ITSN1: variants seen among roughly 807,000 people sequenced by gnomAD.
ITSN1 encodes the protein intersectin-1.
A neutral mutation model predicts 239.8 loss-of-function variants in ITSN1; 58 were observed. That is an observed-to-expected ratio of 0.24 (90% confidence interval 0.20 to 0.30). The LOEUF is 0.30. Among genes scored for constraint, ITSN1 ranks in the 10% least tolerant of loss-of-function variants. The pLI is 1.00. For missense variants in ITSN1, 1,558 were observed against 2,103.3 expected, an observed-to-expected ratio of 0.74 and a Z score of 5.07; for synonymous variants, 780 against 770.8, an observed-to-expected ratio of 1.01 and a Z score of -0.20.
rs1390320549 is a variant in ITSN1, at chr21:33,897,242, T to C, written c.*8942T>C. On this transcript the variant is annotated 3_prime_UTR_variant, in exon 40 of 40. Coordinates refer to ENST00000381318, the MANE Select transcript of ITSN1 (RefSeq NM_003024.3). Reference sequence around the variant, plus strand: ...TTTGAACTGTGAAATCAACCTCAGATCTCATCTGCTGTAGCCCCGCAAGCC... The same window carrying C: ...TTTGAACTGTGAAATCAACCTCAGACCTCATCTGCTGTAGCCCCGCAAGCC... 1 of 152,328 alleles carries C rather than the reference T, an allele frequency of 6.6e-6. No individual in the cohort carries two copies. Among genetic ancestry groups the C allele is most frequent in the East Asian group, 1.9e-4 (1 of 5,202 alleles). 9.4% of individuals were successfully genotyped at this position (152,328 alleles called of 1,614,324 possible). A position where few individuals can be genotyped will look rare whatever the true frequency, so the allele number is the denominator to read the frequency against.
At chr21:33,771,523 T>A (rs1035080543) in intron 11 of ITSN1, among the ~76,000 whole-genome samples, 2 of 152,156 alleles carry the variant, frequency 1.3e-5, no homozygotes, top group South Asian at 4.1e-4. Context: ...AATTTATAAT[T>A]GATGTGTTAA....
At chr21:33,755,237 A>T (rs2067827501) in intron 7 of ITSN1, 60 bp from the exon 8 acceptor site, 2 of 907,258 alleles carry the variant, frequency 2.2e-6, no homozygotes, top group Middle Eastern at 2.2e-4. Flanking sequence ...TCATTAAGGA[A>T]CTTTACCAGG....
At chr21:33,685,822 T>C (rs1397656050) in intron 1 of ITSN1, among the ~76,000 whole-genome samples, 2 of 152,184 alleles carry the variant, frequency 1.3e-5, no homozygotes, top group Non-Finnish European at 2.9e-5. Context: ...TGTGGGAAAT[T>C]GAGTTTTCAC....
intron 4 of ITSN1, among the ~76,000 whole-genome samples, chr21:33,733,536 A>G (rs1350139488): frequency 6.6e-6 from 1 of 152,222 alleles, no homozygotes; most frequent in Non-Finnish European, 1.5e-5. Context: ...AAATCAACAA[A>G]TAATGAATTT....
intron 1 of ITSN1, among the ~76,000 whole-genome samples, chr21:33,661,823 G>A (rs1277430655): frequency 1.3e-5 from 2 of 151,936 alleles, no homozygotes; most frequent in Non-Finnish European, 2.9e-5. Context: ...ACCGCCATGT[G>A]AGACATACCT....
At chr21:33,672,260 T>C (rs78304693) in intron 1 of ITSN1, among the ~76,000 whole-genome samples, 6,364 of 152,194 alleles carry the variant, frequency 0.042, 452 homozygotes, top group African/African-American at 0.15. Flanking sequence ...CTTAATTTTA[T>C]CTAATTCACG....
chr21:33,811,214 C>T lies in ITSN1; in HGVS notation c.2559C>T (p.Phe853=). Residue 853 remains phenylalanine (F), a synonymous_variant, in exon 21 of 40, where the codon TTC becomes TTT. Transcript: ENST00000381318. ...CGACCCCTAATAACTGGGCCGACTT[C>T]AGCTCCACGTACGTGTTGGTGGGCT... The part of the protein sequence containing the change: ...PSTTPNNWAD[F]SSTWPTSTNE... The T allele has an allele frequency of 6.3e-7, 1 of 1,590,824 alleles. No individual in the cohort carries two copies. Among genetic ancestry groups the T allele is most frequent in the Non-Finnish European group, 8.6e-7 (1 of 1,167,292 alleles).
chr21:33,653,382 C>T (rs1309728640), intron 1 of ITSN1, among the ~76,000 whole-genome samples: 1 of 152,112 alleles, frequency 6.6e-6, no homozygotes, highest in Non-Finnish European at 1.5e-5. Flanking sequence ...AGGTGAGTAG[C>T]CTTGAACCAA....
At chr21:33,758,271 T>C (rs2068060286) in intron 8 of ITSN1, among the ~76,000 whole-genome samples, 1 of 152,154 alleles carries the variant, frequency 6.6e-6, no homozygotes, top group African/African-American at 2.4e-5. Context: ...TACAGGCATG[T>C]GCCACCATGC....
At chr21:33,702,117 T>TAAAG (rs1280594061) in intron 1 of ITSN1, among the ~76,000 whole-genome samples, 1 of 148,438 alleles carries the variant, frequency 6.7e-6, no homozygotes, top group African/African-American at 2.5e-5. Context: ...TTTTTTTTTT[T>TAAAG]TTTTTTTTTT....
Position 33,767,765 on chromosome 21 carries a change from C to A in ITSN1, c.979C>A (p.Gln327Lys). 6 of 1,613,168 alleles carry A rather than the reference C, an allele frequency of 3.7e-6. No homozygotes were observed. Among genetic ancestry groups the A allele is most frequent in the South Asian group, 1.1e-5 (1 of 90,956 alleles). Reference sequence around the variant, plus strand: ...TGTCATAAGCTCAACATCTGTAGATCAGAGGCTACCAGAGGAACCAGTTTT... The same window carrying A: ...TGTCATAAGCTCAACATCTGTAGATAAGAGGCTACCAGAGGAACCAGTTTT... Reference protein sequence around the residue: ...ISVISSTSVDQRLPEEPVLED... With the variant: ...ISVISSTSVDKRLPEEPVLED... Residue 327 changes from glutamine (Q) to lysine (K), a missense_variant, in exon 11 of 40, where the codon CAG becomes AAG. This residue lies in a region of ITSN1 where 982 missense variants were observed against 1,209.9 expected (regional missense o/e 0.81). Transcript: ENST00000381318.
In ITSN1 at chr21:33,899,590, G is replaced by T. The variant is rs1986983044; in HGVS notation, c.*11290G>T. On this transcript the variant is annotated 3_prime_UTR_variant, in exon 40 of 40. Transcript: ENST00000381318. ...AAACATTGTTTCTTCTTTTTTGTTT[G>T]AAAGAAGCTGAGGTTTGTTTTTGCT... 6.6e-6 allele frequency: 1 copy of T among 152,108 alleles called. No individual in the cohort carries two copies. Among genetic ancestry groups the T allele is most frequent in the African/African-American group, 2.4e-5 (1 of 41,422 alleles). The allele number at this position is 152,108 out of a possible 1,614,324, so 9.4% of individuals were successfully genotyped here. A position where few individuals can be genotyped will look rare whatever the true frequency, so the allele number is the denominator to read the frequency against.
At chr21:33,793,644 G>A (rs1398444212) in intron 16 of ITSN1, among the ~76,000 whole-genome samples, 1 of 152,194 alleles carries the variant, frequency 6.6e-6, no homozygotes, top group Non-Finnish European at 1.5e-5. Flanking sequence ...TATTCCTGCA[G>A]CTAGTAGTAT....
intron 16 of ITSN1, among the ~76,000 whole-genome samples, chr21:33,787,681 G>T (rs1452833446): frequency 2.6e-5 from 4 of 152,130 alleles, no homozygotes; most frequent in African/African-American, 4.8e-5. Context: ...GCAGAACAGA[G>T]TAAGAAGTCA....
intron 1 of ITSN1, among the ~76,000 whole-genome samples, chr21:33,649,758 T>C (rs964046461): frequency 1.3e-5 from 2 of 152,266 alleles, no homozygotes; most frequent in African/African-American, 4.8e-5. Context: ...GGCTCACACC[T>C]GTAATCCCAG....
At chr21:33,672,141 G>A (rs2090325321) in intron 1 of ITSN1, among the ~76,000 whole-genome samples, 2 of 152,064 alleles carry the variant, frequency 1.3e-5, no homozygotes, top group South Asian at 4.1e-4. Context: ...TACTCGGGAG[G>A]CTGAGGCAGG....
Position 33,855,451 on chromosome 21 carries a change from G to A in ITSN1, c.3662-1285G>A, listed in dbSNP as rs142527454. On this transcript the variant is annotated intron_variant, in intron 29 of 39. Coordinates refer to ENST00000381318, the MANE Select transcript of ITSN1 (RefSeq NM_003024.3). ...AGAACAAGTAAAGGGGATTCAGCCC[G>A]GACTCTCCCACCTACATTCGGGACA... 7.3e-3 allele frequency among the ~76,000 whole-genome samples: 1,105 copies of A among 152,342 alleles called. 11 individuals are homozygous for A. The highest frequency in any genetic ancestry group is 0.01 in the Non-Finnish European group (702 of 68,030).
Position 33,888,461 on chromosome 21 carries a change from C to A in ITSN1, c.*161C>A. The stretch of plus-strand genomic sequence containing the variant: ...CAAAGCTCCTAGGAATCATTCTCGA[C>A]AATCCTCCCTGCCCCGAAACAATTT... On this transcript the variant is annotated 3_prime_UTR_variant, in exon 40 of 40. Coordinates refer to ENST00000381318, the MANE Select transcript of ITSN1 (RefSeq NM_003024.3). The A allele has an allele frequency of 1.5e-6, 1 of 678,980 alleles. No individual in the cohort carries two copies. The allele number at this position is 678,980 out of a possible 1,614,324, so 42.1% of individuals were successfully genotyped here.
At chr21:33,791,109 G>A (rs2147985855) in intron 16 of ITSN1, among the ~76,000 whole-genome samples, 1 of 152,244 alleles carries the variant, frequency 6.6e-6, no homozygotes, top group Non-Finnish European at 1.5e-5. Flanking sequence ...TTTTTAAAAA[G>A]CTTATCAACT....
Sources: allele counts gnomAD v4.1 joint callset (sites outside exome capture counted in the v4.1 genomes callset), GRCh38; gene constraint gnomAD v4.1.1; regional missense constraint gnomAD v4.1.1; transcripts MANE v1.5; gene names NCBI Gene and HGNC (gene_info 2026-07-23, HGNC 2026-07-21).